BNIPL: variants seen among roughly 807,000 people sequenced by gnomAD.
The protein encoded by BNIPL is BCL2 interacting protein like.
BNIPL carries 33 observed loss-of-function variants against 47.0 expected under a neutral mutation model. The ratio of observed to expected loss-of-function variants is 0.70; its 90% CI spans 0.53 to 0.94. BNIPL has a LOEUF of 0.94. BNIPL is among the 40% of genes least tolerant of loss of function. The pLI, the probability that BNIPL is intolerant of heterozygous loss-of-function variation, is 0.00. For synonymous variants in BNIPL, 145 were observed against 162.7 expected, an observed-to-expected ratio of 0.89 and a Z score of 0.83; for missense variants, 404 against 445.2, an observed-to-expected ratio of 0.91 and a Z score of 0.83.
rs1308181712 is a variant in BNIPL at position 151,037,786 on chromosome 1, A to G, written c.137+124A>G. 4.2e-6 allele frequency: 3 copies of G among 718,110 alleles called. No homozygotes were observed. In the East Asian group the frequency reaches 9.7e-5, roughly 23 times the overall value. The allele number at this position is 718,110 out of a possible 1,614,324, so 44.5% of individuals were successfully genotyped here. On this transcript the variant is annotated intron_variant, in intron 2 of 9. Transcript: ENST00000368931. ...GTGGCCGAGGCGGGTGGATCACCTG[A>G]GGTCAGGAGTTTGAGACCAGCCTGA...
In BNIPL at chr1:151,039,323, T is replaced by A. The variant is rs1472230063; in HGVS notation, c.433+297T>A. On this transcript the variant is annotated intron_variant, in intron 4 of 9. Coordinates refer to ENST00000368931, the MANE Select transcript of BNIPL (RefSeq NM_138278.4). ...AAGAGAGGGCCTACAGGGAATTCTC[T>A]GCTTAGTAGGAAATAAACATATATA... Among the ~76,000 whole-genome samples the A allele has an allele frequency of 2.6e-5, 4 of 152,186 alleles. No homozygotes were observed. The East Asian group carries it at 7.7e-4, about 29-fold the overall frequency.
rs1675605051 is a variant in BNIPL, at chr1:151,036,633, CAG to C, written c.-91_-90del. The stretch of plus-strand genomic sequence containing the variant: ...GAGGCAAGAGCTACAACAGCTGAGA[CAG>C]AAAAGAGGTAAGGAAGTGTTGGGGG... On this transcript the variant is annotated 5_prime_UTR_variant, in exon 1 of 10. Transcript: ENST00000368931. 4 of 1,181,970 alleles carry C rather than the reference CAG, an allele frequency of 3.4e-6. No individual in the cohort carries two copies. The East Asian group carries it at 9.4e-5, about 28-fold the overall frequency. 73.2% of individuals were successfully genotyped at this position (1,181,970 alleles called of 1,614,324 possible). A position where few individuals can be genotyped will look rare whatever the true frequency, so the allele number is the denominator to read the frequency against.
In BNIPL at chr1:151,043,734, C is replaced by A. The variant is rs753964245; in HGVS notation, c.851+7C>A. The A allele has an allele frequency of 6.2e-7, 1 of 1,611,240 alleles. No homozygotes were observed. Among genetic ancestry groups the A allele is most frequent in the South Asian group, 1.1e-5 (1 of 90,758 alleles). ...ACCGTACCCTGGATCGGCGGTGAGA[C>A]CTGGGATGAGAGGGCTACAACTCTC... On this transcript the variant is annotated splice_region_variant and intron_variant, in intron 7 of 9. Transcript: ENST00000368931.
intron 8 of BNIPL, 62 bp from the exon 9 acceptor site, chr1:151,046,005 C>T (rs1175315960): frequency 1.2e-6 from 2 of 1,611,770 alleles, no homozygotes; most frequent in African/African-American, 1.3e-5. Flanking sequence ...TTTTTCTTTG[C>T]AAGGATTTTT....
chr1:151,038,606 C>G (rs587747926), intron 3 of BNIPL, 38 bp downstream of exon 3: 1 of 1,604,536 alleles, frequency 6.2e-7, no homozygotes, highest in East Asian at 2.2e-5. Context: ...GTTCTTGATT[C>G]TAGTCCAGTA....
At position 151,047,600 on chromosome 1, in the gene BNIPL, G is replaced by C. The variant is rs1215774221; in HGVS notation, c.*913G>C. On this transcript the variant is annotated 3_prime_UTR_variant, in exon 10 of 10. Coordinates refer to ENST00000368931, the MANE Select transcript of BNIPL (RefSeq NM_138278.4). ...TGAGACATTTAAGCTCTGCTCCAAAGAAGTGAACGACTCTTTCACCACCCC... is the reference window on the plus strand; with the variant it reads ...TGAGACATTTAAGCTCTGCTCCAAACAAGTGAACGACTCTTTCACCACCCC... 3.6e-6 allele frequency: 2 copies of C among 556,860 alleles called. No individual in the cohort carries two copies. Among genetic ancestry groups the C allele is most frequent in the Non-Finnish European group, 6.1e-6 (2 of 327,514 alleles). 34.5% of individuals were successfully genotyped at this position (556,860 alleles called of 1,614,324 possible). A position where few individuals can be genotyped will look rare whatever the true frequency, so the allele number is the denominator to read the frequency against.
chr1:151,039,794 A>G (rs1446606207), intron 4 of BNIPL, among the ~76,000 whole-genome samples: 1 of 152,174 alleles, frequency 6.6e-6, no homozygotes, highest in Non-Finnish European at 1.5e-5. Context: ...CCTGTTGCCC[A>G]GGCTAGAGTA....
Position 151,045,878 on chromosome 1 carries a change from C to G in BNIPL, c.933C>G (p.Phe311Leu), listed in dbSNP as rs1413367545. ...CATTTCTGGCACTGCTTCGGCCCTT[C>G]ATCAGGTACTAGTTCTAGGAACAAG... Reference protein sequence around the residue: ...VKAFLALLRPFISSKFTRKIR... With the variant: ...VKAFLALLRPLISSKFTRKIR... Residue 311 changes from phenylalanine to leucine, a missense_variant, in exon 8 of 10, where the codon TTC (phenylalanine) becomes TTG (leucine). Coordinates refer to ENST00000368931, the MANE Select transcript of BNIPL (RefSeq NM_138278.4). 6.2e-7 allele frequency: 1 copy of G among 1,614,204 alleles called. No homozygotes were observed. The highest frequency in any genetic ancestry group is 8.5e-7 in the Non-Finnish European group (1 of 1,180,042).
chr1:151,045,067 A>G, intron 7 of BNIPL: 1 of 731,818 alleles, frequency 1.4e-6, no homozygotes, highest in South Asian at 2.1e-5. Context: ...GTTCAAGACC[A>G]GCCTGGCCAA....
chr1:151,040,501 G>A (rs1378238061), intron 4 of BNIPL, among the ~76,000 whole-genome samples: 2 of 149,904 alleles, frequency 1.3e-5, no homozygotes, highest in Non-Finnish European at 3.0e-5. Context: ...TTTTTAAAAT[G>A]AAGCAGTTCT....
At position 151,045,837 on chromosome 1, in the gene BNIPL, A is replaced by G. The variant is rs780458501; in HGVS notation, c.892A>G (p.Thr298Ala). ...NLRALVVVHA[T>A]WYVKAFLALL... ...GCGAGCCCTGGTGGTTGTCCATGCT[A>G]CATGGTATGTGAAAGCATTTCTGGC... The change falls in exon 8 of 10, where the codon ACA becomes GCA. Residue 298 changes from threonine to alanine, a missense_variant. By Grantham distance (58) the Thr-to-Ala change is moderately conservative. Coordinates refer to ENST00000368931, the MANE Select transcript of BNIPL (RefSeq NM_138278.4). 6.2e-7 allele frequency: 1 copy of G among 1,614,192 alleles called. No homozygotes were observed. Among genetic ancestry groups the G allele is most frequent in the Non-Finnish European group, 8.5e-7 (1 of 1,180,028 alleles).
Position 151,043,114 on chromosome 1 carries a change from T to C in BNIPL, c.592T>C (p.Tyr198His). 1 of 1,613,386 alleles carries C rather than the reference T, an allele frequency of 6.2e-7. No homozygotes were observed. The highest frequency in any genetic ancestry group is 8.5e-7 in the Non-Finnish European group (1 of 1,179,736). Residue 198 changes from tyrosine to histidine, a missense_variant, in exon 5 of 10, where the codon TAT (tyrosine) becomes CAT (histidine). Physicochemically the swap from Tyr to His is moderately conservative, Grantham distance 83. Transcript: ENST00000368931. ...CGTAGACATGACTGTCATTGAGCCC[T>C]ATAAGAAAGTCCTGTCTCATGGAGG... is the stretch of plus-strand genomic sequence containing the variant. ...QRVDMTVIEP[Y>H]KKVLSHGGYH...
chr1:151,045,730 C>T (rs1571844413), intron 7 of BNIPL, 67 bp from the exon 8 acceptor site: 1 of 1,611,640 alleles, frequency 6.2e-7, no homozygotes, highest in South Asian at 1.1e-5. Context: ...GTACAGAAAA[C>T]AGTTCCACGT....
rs1453934997 is a variant in BNIPL, at chr1:151,037,604, G to A, written c.79G>A (p.Ala27Thr). The part of the protein sequence containing the change: ...EIAEAPELGA[A>T]LRHGELELKE... ...TGCAGAAGCACCAGAACTAGGAGCA[G>A]CCCTGAGACATGGGGAGTTGGAGCT... The change falls in exon 2 of 10, where the codon GCC becomes ACC. Residue 27 changes from alanine (A) to threonine (T), a missense_variant. Transcript: ENST00000368931. 6.2e-7 allele frequency: 1 copy of A among 1,607,944 alleles called. No homozygotes were observed. The highest frequency in any genetic ancestry group is 1.7e-5 in the Admixed American group (1 of 59,084).
At chr1:151,037,037 T>G (rs1303463187) in intron 1 of BNIPL, among the ~76,000 whole-genome samples, 1 of 152,154 alleles carries the variant, frequency 6.6e-6, no homozygotes, top group Non-Finnish European at 1.5e-5. Context: ...CCTGTGTTCT[T>G]TTATTTTCTA....
At chr1:151,037,694 G>A (rs772358982) in intron 2 of BNIPL, 32 bp downstream of exon 2, 137 of 1,546,312 alleles carry the variant, frequency 8.9e-5, no homozygotes, top group Admixed American at 2.6e-4. Context: ...TGGGAGAAGG[G>A]AGGGGTGGTC....
intron 9 of BNIPL, 146 bp downstream of exon 9, chr1:151,046,311 C>T: frequency 1.6e-6 from 2 of 1,251,084 alleles, no homozygotes; most frequent in Non-Finnish European, 2.1e-6. Context: ...GGAAACTGCA[C>T]ACACCCAGAG....
At chr1:151,045,035 T>A (rs1258233154) in intron 7 of BNIPL, 200 of 1,039,604 alleles carry the variant, frequency 1.9e-4, no homozygotes, top group Admixed American at 9.9e-4. Flanking sequence ...AAGGCCGAGG[T>A]GGGCGGATCA....
intron 4 of BNIPL, among the ~76,000 whole-genome samples, chr1:151,042,689 C>T (rs962853947): frequency 6.6e-6 from 1 of 151,944 alleles, no homozygotes; most frequent in Non-Finnish European, 1.5e-5. Context: ...TGGTGCATGC[C>T]TGTAGTTCCA....
Sources: allele counts gnomAD v4.1 joint callset (sites outside exome capture counted in the v4.1 genomes callset), GRCh38; gene constraint gnomAD v4.1.1; transcripts MANE v1.5; gene names NCBI Gene and HGNC (gene_info 2026-07-23, HGNC 2026-07-21).